PWWP2A: variants seen among roughly 807,000 people sequenced by gnomAD.
The protein encoded by PWWP2A is PWWP domain-containing protein 2A.
PWWP2A carries 18 observed loss-of-function variants against 48.5 expected under a neutral mutation model. The ratio of observed to expected loss-of-function variants is 0.37; its 90% CI spans 0.26 to 0.55. The LOEUF (loss-of-function observed/expected upper bound fraction) is 0.55. PWWP2A is among the 20% of genes least tolerant of loss of function. PWWP2A has a pLI of 0.81. For synonymous variants in PWWP2A, 396 were observed against 387.7 expected (o/e 1.02, Z -0.25); for missense variants, 867 against 976.4 (o/e 0.89, Z 1.49).
chr5:160,061,247 G>A (rs960772197), downstream of PWWP2A, among the ~76,000 whole-genome samples: 6 of 152,222 alleles, frequency 3.9e-5, no homozygotes, highest in African/African-American at 1.4e-4. Flanking sequence ...GGCCTTTGGT[G>A]CCTGGTTCAA....
At chr5:160,051,252 T>C in the PWWP2A span, 1 of 1,284,596 alleles carries the variant, frequency 7.8e-7, no homozygotes, top group Non-Finnish European at 1.1e-6. Context: ...TAGCGAATAC[T>C]AGAGGAGAAC....
chr5:160,082,726 G>A, intron 2 of PWWP2A, among the ~76,000 whole-genome samples: 1 of 152,078 alleles, frequency 6.6e-6, no homozygotes, highest in East Asian at 1.9e-4. Flanking sequence ...GGATCTCGAG[G>A]CTTTTCTTTA....
chr5:160,110,531 AC>A lies in PWWP2A; in HGVS notation c.584+8273del, dbSNP rs768180161. On this transcript the variant is annotated intron_variant, in intron 1 of 1. Coordinates refer to ENST00000307063, the MANE Select transcript of PWWP2A (RefSeq NM_001130864.2). ...AGACCAGCCTGACCTACATGGAGAA[AC>A]CCCGTCTCTTCTAAAAATACAAAAT... 7.3e-5 allele frequency among the ~76,000 whole-genome samples: 11 copies of A among 151,472 alleles called. No homozygotes were observed. The South Asian group carries it at 1.9e-3, about 26-fold the overall frequency.
At chr5:160,115,137 C>CAAAAAAAAAAAAAAAAAAAAAAAAAAA (rs535110852) in intron 1 of PWWP2A, among the ~76,000 whole-genome samples, 1 of 88,414 alleles carries the variant, frequency 1.1e-5, no homozygotes, top group South Asian at 3.5e-4. Context: ...GAGACTCTGT[C>CAAAAAAAAAAAAAAAAAAAAAAAAAAA]AAAAAAAAAA....
intron 1 of PWWP2A, among the ~76,000 whole-genome samples, chr5:160,110,536 G>A (rs983920382): frequency 2.9e-4 from 44 of 150,894 alleles, no homozygotes; most frequent in Admixed American, 8.6e-4. Context: ...GAGAAACCCC[G>A]TCTCTTCTAA....
the PWWP2A span, among the ~76,000 whole-genome samples, chr5:160,045,901 C>T: frequency 1.6e-4 from 25 of 152,140 alleles, 1 homozygote; most frequent in South Asian, 2.9e-3. Context: ...TGCCACCATG[C>T]CCGGCTAATT....
downstream of PWWP2A, among the ~76,000 whole-genome samples, chr5:160,057,470 C>T (rs746728791): frequency 1.3e-5 from 2 of 151,918 alleles, no homozygotes; most frequent in East Asian, 3.8e-4. The surrounding 1 kb of genome is among the most constrained non-coding windows in gnomAD (Gnocchi z 4.4). Context: ...ACGATGAGCC[C>T]AGCCTTTAGG....
At chr5:160,085,695 C>T (rs183397736) in intron 2 of PWWP2A, among the ~76,000 whole-genome samples, 1 of 151,672 alleles carries the variant, frequency 6.6e-6, no homozygotes, top group South Asian at 2.1e-4. Context: ...TTAATAGAGA[C>T]GGGGTTTCAC....
At chr5:160,116,624 A>T (rs895470514) in intron 1 of PWWP2A, 3 of 982,118 alleles carry the variant, frequency 3.1e-6, no homozygotes, top group East Asian at 1.1e-4. Flanking sequence ...ACTAAAGAAA[A>T]TTTTTTAAAA....
the PWWP2A span, chr5:160,049,584 G>C: frequency 6.2e-7 from 1 of 1,611,882 alleles, no homozygotes; most frequent in Non-Finnish European, 8.5e-7. Context: ...AGACGGACAA[G>C]CTAGATGAAG....
At chr5:160,056,144 C>T in the PWWP2A span, among the ~76,000 whole-genome samples, 4 of 152,324 alleles carry the variant, frequency 2.6e-5, no homozygotes, top group South Asian at 6.2e-4. Context: ...TTACTTGAAA[C>T]TTATCTACTT....
intron 1 of PWWP2A, among the ~76,000 whole-genome samples, chr5:160,095,686 CTTTTTTTTTT>C (rs11358268): frequency 3.0e-5 from 3 of 100,312 alleles, no homozygotes; most frequent in African/African-American, 1.1e-4. Flanking sequence ...CCGAAATGTT[CTTTTTTTTTT>C]TTTTTTTTTT....
At position 160,095,078 on chromosome 5, in the gene PWWP2A, G is replaced by T. The variant is rs78947957; in HGVS notation, c.585-1013C>A. Among the ~76,000 whole-genome samples the T allele has an allele frequency of 5.8e-4, 20 of 34,750 alleles. No homozygotes were observed. The South Asian group carries it at 8.9e-3, about 15-fold the overall frequency. 22.8% of individuals were successfully genotyped at this position (34,750 alleles called of 152,430 possible). Reference sequence around the variant, plus strand: ...AAAAAAAAAAAAAAAAAAAAAAAAAGACTACTTATGAATGTATACATGCAT... The same window carrying T: ...AAAAAAAAAAAAAAAAAAAAAAAAATACTACTTATGAATGTATACATGCAT... On this transcript the variant is annotated intron_variant, in intron 1 of 1. Transcript: ENST00000307063.
At position 160,104,164 on chromosome 5, in the gene PWWP2A, G is replaced by C. The variant is rs578087873; in HGVS notation, c.585-10099C>G. On this transcript the variant is annotated intron_variant, in intron 1 of 1. Coordinates refer to ENST00000307063, the MANE Select transcript of PWWP2A (RefSeq NM_001130864.2). ...AAGAAATGAAAAAAGAAAAAGAGGA[G>C]ACTGGCTGAGAGTGATAGCAATGGC... is the stretch of plus-strand genomic sequence containing the variant. 5.2e-3 allele frequency among the ~76,000 whole-genome samples: 687 copies of C among 132,300 alleles called. 6 individuals carry two copies. Among genetic ancestry groups the C allele is most frequent in the Non-Finnish European group, 9.1e-3 (558 of 61,452 alleles). 86.8% of individuals were successfully genotyped at this position (132,300 alleles called of 152,430 possible).
chr5:160,112,182 AAG>A (rs1362806205), intron 1 of PWWP2A, among the ~76,000 whole-genome samples: 3 of 151,974 alleles, frequency 2.0e-5, no homozygotes, highest in African/African-American at 4.8e-5. Context: ...GAAAGAAAAA[AAG>A]AGCACAAAGT....
chr5:160,114,796 A>G (rs887991413), intron 1 of PWWP2A, among the ~76,000 whole-genome samples: 1 of 147,884 alleles, frequency 6.8e-6, no homozygotes, highest in Non-Finnish European at 1.5e-5. Context: ...AAAGAGTTCA[A>G]CCAGCCTGAG....
the PWWP2A span, among the ~76,000 whole-genome samples, chr5:160,044,841 G>A: frequency 6.6e-6 from 1 of 152,308 alleles, no homozygotes; most frequent in South Asian, 2.1e-4. Context: ...TCAAGATGGA[G>A]CCACTTTGAT....
downstream of PWWP2A, among the ~76,000 whole-genome samples, chr5:160,060,048 C>T (rs1236936252): frequency 1.3e-5 from 2 of 152,318 alleles, no homozygotes; most frequent in East Asian, 1.9e-4. Context: ...ATGCTGGGCT[C>T]TCTTGATTTG....
intron 1 of PWWP2A, among the ~76,000 whole-genome samples, chr5:160,110,163 G>A (rs1435184705): frequency 6.6e-6 from 1 of 151,522 alleles, no homozygotes; most frequent in Non-Finnish European, 1.5e-5. Flanking sequence ...TGGGATTACA[G>A]GCACACACCA....
Sources: gnomAD v4.1 joint callset for allele counts (sites outside exome capture counted in the v4.1 genomes callset) on GRCh38, gnomAD v4.1.1 for gene constraint, Gnocchi (gnomAD v3.1) non-coding constraint, MANE v1.5 for transcripts, NCBI Gene and HGNC (gene_info 2026-07-23, HGNC 2026-07-21) for gene names.